The following DNM3 variants were observed in gnomAD, a reference collection of about 807,000 sequenced individuals.
DNM3 encodes the protein dynamin 3.
DNM3 carries 47 observed loss-of-function variants against 101.6 expected under a neutral mutation model. The observed-to-expected ratio is 0.46, with a 90% CI of 0.37 to 0.59. The LOEUF (loss-of-function observed/expected upper bound fraction) is 0.59. Ranked by LOEUF, DNM3 falls within the 20% of genes least tolerant of loss-of-function variation. The pLI is 0.00. For missense variants in DNM3, 849 were observed against 1,085.7 expected (o/e 0.78, Z 3.06); for synonymous variants, 385 against 387.9 (o/e 0.99, Z 0.09).
At chr1:171,942,164 T>C (rs1048602144) in intron 2 of DNM3, among the ~76,000 whole-genome samples, 1 of 151,576 alleles carries the variant, frequency 6.6e-6, no homozygotes, top group Admixed American at 6.6e-5. Context: ...ATATTTGATG[T>C]CTTAGATCCA....
At chr1:172,348,295 A>G (rs1435358362) in intron 17 of DNM3, among the ~76,000 whole-genome samples, 1 of 152,206 alleles carries the variant, frequency 6.6e-6, no homozygotes, top group Non-Finnish European at 1.5e-5. Flanking sequence ...ATCAGGAAAT[A>G]AAACAATTCT....
intron 4 of DNM3, among the ~76,000 whole-genome samples, chr1:172,026,302 G>A (rs1572144582): frequency 6.6e-6 from 1 of 152,098 alleles, no homozygotes; most frequent in African/African-American, 2.4e-5. Context: ...GAAATATGGG[G>A]CTATGTGAAA....
chr1:171,907,358 G>A lies in DNM3; in HGVS notation c.162-14390G>A, dbSNP rs1018746797. 2.0e-5 allele frequency among the ~76,000 whole-genome samples: 3 copies of A among 152,172 alleles called. No individual in the cohort carries two copies. The South Asian group carries it at 6.2e-4, about 32-fold the overall frequency. ...AATACAAAATTAGCCGGGCAAGGTG[G>A]TGCATGCCTGTAATCCCAGCTACTG... On this transcript the variant is annotated intron_variant, in intron 1 of 20. Transcript: ENST00000627582.
chr1:172,354,100 T>A (rs1231610097), intron 17 of DNM3, among the ~76,000 whole-genome samples: 21 of 53,858 alleles, frequency 3.9e-4, no homozygotes, highest in African/African-American at 1.6e-3. Context: ...TGTGTGTGTG[T>A]GTGTGTGTGT....
chr1:171,971,002 C>T (rs1322559657), intron 2 of DNM3, among the ~76,000 whole-genome samples: 2 of 151,942 alleles, frequency 1.3e-5, no homozygotes, highest in Non-Finnish European at 2.9e-5. Context: ...TTTAAATATA[C>T]TTAGTATGAA....
chr1:172,253,524 CCTCT>C, intron 14 of DNM3, 45 bp from the exon 15 acceptor site: 42 of 1,257,476 alleles, frequency 3.3e-5, no homozygotes, highest in African/African-American at 4.6e-5. Context: ...CCTCTCCTCT[CCTCT>C]CCTCTCCTCT....
chr1:172,075,260 G>T (rs947115894), intron 11 of DNM3, among the ~76,000 whole-genome samples: 8 of 151,874 alleles, frequency 5.3e-5, no homozygotes, highest in African/African-American at 1.9e-4. Context: ...CATTCTATAG[G>T]TTGCCTTTTC....
rs139548890 is a variant in DNM3, at chr1:172,260,787, T to C, written c.1769+7105T>C. Among the ~76,000 whole-genome samples the C allele has an allele frequency of 3.8e-3, 584 of 152,298 alleles. 8 individuals carry two copies. The highest frequency in any genetic ancestry group is 0.013 in the African/African-American group (551 of 41,554). ...TTTCACCCATTTTAAATATATACTT[T>C]AATGAGTTTTACAGATATGTACAGT... On this transcript the variant is annotated intron_variant, in intron 15 of 20. Coordinates refer to ENST00000627582, the MANE Select transcript of DNM3 (RefSeq NM_015569.5).
chr1:171,916,691 A>G (rs1046534470), intron 1 of DNM3, among the ~76,000 whole-genome samples: 8 of 152,176 alleles, frequency 5.3e-5, no homozygotes, highest in East Asian at 3.8e-4. Context: ...AACGTTTTCT[A>G]TATAATCCCC....
intron 1 of DNM3, among the ~76,000 whole-genome samples, chr1:171,873,944 G>A (rs775972149): frequency 4.6e-5 from 7 of 152,132 alleles, no homozygotes; most frequent in Non-Finnish European, 8.8e-5. Context: ...ACAGTGAGTG[G>A]TTTCTATTTT....
At chr1:172,258,881 A>G (rs1020490230) in intron 15 of DNM3, among the ~76,000 whole-genome samples, 1 of 151,634 alleles carries the variant, frequency 6.6e-6, no homozygotes, top group African/African-American at 2.4e-5. Flanking sequence ...GATGTAGGCA[A>G]TTATTGCTAT....
intron 1 of DNM3, among the ~76,000 whole-genome samples, chr1:171,851,258 T>C (rs1558163486): frequency 6.6e-6 from 1 of 152,178 alleles, no homozygotes; most frequent in Non-Finnish European, 1.5e-5. Context: ...GAGCTGTGTC[T>C]CCTTTATCAT....
chr1:172,391,723 T>C (rs2069544199), intron 20 of DNM3, among the ~76,000 whole-genome samples: 1 of 152,188 alleles, frequency 6.6e-6, no homozygotes, highest in South Asian at 2.1e-4. Flanking sequence ...ATTTTTTTTT[T>C]CAAGTTTTTT....
intron 1 of DNM3, among the ~76,000 whole-genome samples, chr1:171,860,394 A>T (rs2034052636): frequency 6.6e-6 from 1 of 152,186 alleles, no homozygotes; most frequent in African/African-American, 2.4e-5. Context: ...ATGAAATTTC[A>T]AAGATTTGCT....
At chr1:171,866,078 C>T (rs2125064591) in intron 1 of DNM3, among the ~76,000 whole-genome samples, 1 of 152,240 alleles carries the variant, frequency 6.6e-6, no homozygotes, top group East Asian at 1.9e-4. Flanking sequence ...CCTTTGTTCT[C>T]GTTGGTGCCC....
chr1:172,178,993 G>A (rs1371987584), intron 14 of DNM3, among the ~76,000 whole-genome samples: 3 of 151,920 alleles, frequency 2.0e-5, no homozygotes, highest in Non-Finnish European at 4.4e-5. Context: ...TTGAACTGCT[G>A]GGTGAGCTAA....
At chr1:172,334,563 G>A (rs112902382) in intron 17 of DNM3, among the ~76,000 whole-genome samples, 1 of 152,142 alleles carries the variant, frequency 6.6e-6, no homozygotes, top group African/African-American at 2.4e-5. Context: ...ATGAAGATTT[G>A]GACCTGTGTC....
intron 4 of DNM3, among the ~76,000 whole-genome samples, chr1:171,991,177 C>T (rs2045604560): frequency 6.6e-6 from 1 of 152,176 alleles, no homozygotes. Context: ...CTACTGCAAA[C>T]AAGCAATTAA....
chr1:172,085,799 C>T (rs1184700250), intron 12 of DNM3, among the ~76,000 whole-genome samples: 1 of 152,166 alleles, frequency 6.6e-6, no homozygotes, highest in Admixed American at 6.5e-5. Context: ...CAATCTTAGT[C>T]TTTCCCTTTA....
Sources: allele counts gnomAD v4.1 joint callset (sites outside exome capture counted in the v4.1 genomes callset), GRCh38; gene constraint gnomAD v4.1.1; transcripts MANE v1.5; gene names NCBI Gene and HGNC (gene_info 2026-07-23, HGNC 2026-07-21).